Variants in CHST11 observed in about 807,000 individuals in gnomAD.
CHST11 encodes the protein C4S-1.
Under a neutral mutation model 30.4 loss-of-function variants are expected in CHST11, and 9 were observed. The ratio of observed to expected loss-of-function variants is 0.30; its 90% CI spans 0.18 to 0.52. The LOEUF (loss-of-function observed/expected upper bound fraction) is 0.52, where lower values mean the gene tolerates loss of function less well. CHST11 is among the 20% of genes least tolerant of loss of function. CHST11 has a pLI of 0.97. For synonymous variants in CHST11, 152 were observed against 187.8 expected (o/e 0.81, Z 1.56); for missense variants, 348 against 460.6 (o/e 0.76, Z 2.24).
intron 2 of CHST11, among the ~76,000 whole-genome samples, chr12:104,705,222 A>G (rs2040022212): frequency 6.6e-6 from 1 of 152,108 alleles, no homozygotes; most frequent in Non-Finnish European, 1.5e-5. Flanking sequence ...CTGTTTGCTA[A>G]GTGGAAGCGT....
intron 2 of CHST11, among the ~76,000 whole-genome samples, chr12:104,682,884 C>T (rs953002392): frequency 1.3e-5 from 2 of 152,202 alleles, no homozygotes; most frequent in East Asian, 1.9e-4. Context: ...CTACCGTAAC[C>T]GTAGCCACCG....
In CHST11 at chr12:104,729,942, T is replaced by C. The variant is rs2040244105; in HGVS notation, c.205-27007T>C. Among the ~76,000 whole-genome samples, 1 of 152,190 alleles carries C rather than the reference T, an allele frequency of 6.6e-6. No individual in the cohort carries two copies. Among genetic ancestry groups the C allele is most frequent in the Non-Finnish European group, 1.5e-5 (1 of 68,044 alleles). On this transcript the variant is annotated intron_variant, in intron 2 of 2. Coordinates refer to ENST00000303694, the MANE Select transcript of CHST11 (RefSeq NM_018413.6). The surrounding 1 kb of genome is among the most constrained non-coding windows in gnomAD (Gnocchi z 4.0). ...GGTTGGTGTCGGGGTGGTTTTGCAC[T>C]TTCTGTTTCCTGATCTCACCTGTCC...
chr12:104,732,483 T>G (rs1426434789), intron 2 of CHST11, among the ~76,000 whole-genome samples: 3 of 152,194 alleles, frequency 2.0e-5, no homozygotes, highest in Non-Finnish European at 2.9e-5. Flanking sequence ...AAATTCACCT[T>G]TCATCACATT....
intron 1 of CHST11, among the ~76,000 whole-genome samples, chr12:104,572,446 G>A (rs1160699336): frequency 6.6e-6 from 1 of 152,100 alleles, no homozygotes. Context: ...GTCTTGGGAA[G>A]GTGTATGTGT....
At chr12:104,633,880 C>A (rs1447351934) in intron 2 of CHST11, among the ~76,000 whole-genome samples, 2 of 152,150 alleles carry the variant, frequency 1.3e-5, no homozygotes, top group African/African-American at 4.8e-5. Context: ...CTCCCAGCTC[C>A]CCCTGCCCCA....
At chr12:104,594,776 G>A (rs2136042511) in intron 1 of CHST11, among the ~76,000 whole-genome samples, 1 of 152,226 alleles carries the variant, frequency 6.6e-6, no homozygotes, top group Admixed American at 6.5e-5. Flanking sequence ...GGGCAACATG[G>A]CAAAACTGTT....
At chr12:104,669,090 C>A (rs563733668) in intron 2 of CHST11, among the ~76,000 whole-genome samples, 13 of 152,324 alleles carry the variant, frequency 8.5e-5, no homozygotes, top group African/African-American at 2.6e-4. Flanking sequence ...CTGCAGCGTG[C>A]GTTAGACGTA....
chr12:104,681,726 G>A (rs551833179), intron 2 of CHST11, among the ~76,000 whole-genome samples: 7 of 151,832 alleles, frequency 4.6e-5, no homozygotes, highest in South Asian at 4.2e-4. Context: ...GCATGCACCC[G>A]TAGTCCCAGT....
chr12:104,755,417 A>G (rs780867951), intron 2 of CHST11, among the ~76,000 whole-genome samples: 9 of 152,192 alleles, frequency 5.9e-5, no homozygotes, highest in Non-Finnish European at 8.8e-5. Context: ...AAGCACACTC[A>G]GTGTTGTGGG....
intron 1 of CHST11, among the ~76,000 whole-genome samples, chr12:104,479,246 G>A (rs546964808): frequency 5.3e-5 from 8 of 152,092 alleles, no homozygotes; most frequent in Non-Finnish European, 1.2e-4. Flanking sequence ...GCATGTGATT[G>A]TTCATGCTGT....
intron 1 of CHST11, among the ~76,000 whole-genome samples, chr12:104,513,145 T>TGGGGGGGGGGGGG (rs1565969854): frequency 2.6e-4 from 2 of 7,612 alleles, no homozygotes; most frequent in Non-Finnish European, 4.6e-4. Flanking sequence ...GGGTTGGGGG[T>TGGGGGGGGGGGGG]GGGGAGGGAG....
At chr12:104,553,021 G>A (rs1266620410) in intron 1 of CHST11, 1 of 152,174 alleles carries the variant, frequency 6.6e-6, no homozygotes, top group Non-Finnish European at 1.5e-5. Flanking sequence ...GTGAGAAGGA[G>A]TAGACCCCAG....
intron 2 of CHST11, among the ~76,000 whole-genome samples, chr12:104,746,682 C>A (rs1431383004): frequency 2.0e-5 from 3 of 152,208 alleles, no homozygotes; most frequent in Non-Finnish European, 4.4e-5. Flanking sequence ...AAGTTACAAT[C>A]CAGAGAAACC....
chr12:104,606,926 G>A (rs777528048), intron 2 of CHST11, among the ~76,000 whole-genome samples: 32 of 152,054 alleles, frequency 2.1e-4, no homozygotes, highest in African/African-American at 3.1e-4. Context: ...AAATTCGCCC[G>A]GCATGGTGGC....
chr12:104,610,091 G>C (rs1275561693), intron 2 of CHST11, among the ~76,000 whole-genome samples: 1 of 111,988 alleles, frequency 8.9e-6, no homozygotes, highest in Non-Finnish European at 1.9e-5. Flanking sequence ...GTGTGTGTGT[G>C]TGTGTCTGTG....
chr12:104,639,192 C>A (rs915405937), intron 2 of CHST11, among the ~76,000 whole-genome samples: 5 of 152,130 alleles, frequency 3.3e-5, no homozygotes, highest in Non-Finnish European at 1.5e-5. Context: ...AGTCACATAA[C>A]CCATGTTGGC....
intron 1 of CHST11, among the ~76,000 whole-genome samples, chr12:104,472,319 C>A (rs1593953213): frequency 6.6e-6 from 1 of 151,834 alleles, no homozygotes; most frequent in Admixed American, 6.6e-5. Context: ...TTTAGCTATA[C>A]CCTTTGGGAA....
At chr12:104,718,982 G>A (rs1199537813) in intron 2 of CHST11, among the ~76,000 whole-genome samples, 1 of 152,188 alleles carries the variant, frequency 6.6e-6, no homozygotes, top group Non-Finnish European at 1.5e-5. Flanking sequence ...TTTCCAGGGT[G>A]CATGGAACCC....
intron 1 of CHST11, among the ~76,000 whole-genome samples, chr12:104,524,461 C>T (rs2374400): frequency 6.6e-6 from 1 of 151,996 alleles, no homozygotes; most frequent in Non-Finnish European, 1.5e-5. Context: ...GACATAGACA[C>T]GTATAGGGAA....
Sources: gnomAD v4.1 joint callset for allele counts (sites outside exome capture counted in the v4.1 genomes callset) on GRCh38, gnomAD v4.1.1 for gene constraint, Gnocchi (gnomAD v3.1) non-coding constraint, MANE v1.5 for transcripts, NCBI Gene and HGNC (gene_info 2026-07-23, HGNC 2026-07-21) for gene names.